The following CACNB4 variants were observed in gnomAD, a reference collection of about 807,000 sequenced individuals.
CACNB4 encodes the protein voltage-dependent L-type calcium channel subunit beta-4.
In CACNB4, 32 loss-of-function variants were observed where a neutral mutation model predicts 71.2. The ratio of observed to expected loss-of-function variants is 0.45; its 90% CI spans 0.34 to 0.60. The LOEUF (loss-of-function observed/expected upper bound fraction) is 0.60. Ranked by LOEUF, CACNB4 falls within the 20% of genes least tolerant of loss-of-function variation. CACNB4 has a pLI of 0.01. For synonymous variants in CACNB4, 231 were observed against 236.9 expected (o/e 0.97, Z 0.23); for missense variants, 464 against 647.9 (o/e 0.72, Z 3.08).
rs1438655294 is a variant in CACNB4, at chr2:151,834,136, C to A, written c.*4983G>T. On this transcript the variant is annotated 3_prime_UTR_variant, in exon 14 of 14. Transcript: ENST00000539935. ...TGTTGAGAAATTTAAGTGTTCAAAA[C>A]ATAACCAAGAACACTTATCAGGTAT... The A allele has an allele frequency of 6.6e-6, 1 of 152,006 alleles. No individual in the cohort carries two copies. The highest frequency in any genetic ancestry group is 1.5e-5 in the Non-Finnish European group (1 of 67,882). 9.4% of individuals were successfully genotyped at this position (152,006 alleles called of 1,614,324 possible). A position where few individuals can be genotyped will look rare whatever the true frequency, so the allele number is the denominator to read the frequency against.
intron 2 of CACNB4, among the ~76,000 whole-genome samples, chr2:151,931,627 A>G (rs181629781): frequency 5.7e-4 from 87 of 152,302 alleles, no homozygotes; most frequent in Admixed American, 3.3e-3. Context: ...ATGAAGGCAT[A>G]AGGCAACCAA....
At chr2:151,964,702 G>C (rs1397825203) in intron 2 of CACNB4, among the ~76,000 whole-genome samples, 2 of 152,178 alleles carry the variant, frequency 1.3e-5, no homozygotes, top group African/African-American at 4.8e-5. Flanking sequence ...TATGACTTTA[G>C]GGATATGACA....
rs1254543242 is a variant in CACNB4, at chr2:151,832,986, C to T, written c.*6133G>A. 1 of 152,060 alleles carries T rather than the reference C, an allele frequency of 6.6e-6. No homozygotes were observed. The highest frequency in any genetic ancestry group is 1.5e-5 in the Non-Finnish European group (1 of 67,990). The allele number at this position is 152,060 out of a possible 1,614,324, so 9.4% of individuals were successfully genotyped here. ...GGAGAACAAAACATGCAGCACTGTACACATTTGCATAGTATATTTTACCCA... is the reference window on the plus strand; with the variant it reads ...GGAGAACAAAACATGCAGCACTGTATACATTTGCATAGTATATTTTACCCA... On this transcript the variant is annotated 3_prime_UTR_variant, in exon 14 of 14. Transcript: ENST00000539935.
rs1381154799 is a variant in CACNB4 at position 151,834,290 on chromosome 2, C to T, written c.*4829G>A. On this transcript the variant is annotated 3_prime_UTR_variant, in exon 14 of 14. Coordinates refer to ENST00000539935, the MANE Select transcript of CACNB4 (RefSeq NM_000726.5). ...TTCATTAGTAACATTTTCTACCATCCTTCTGCAAACATTTTACATACATCA... is the reference window on the plus strand; with the variant it reads ...TTCATTAGTAACATTTTCTACCATCTTTCTGCAAACATTTTACATACATCA... The T allele has an allele frequency of 6.6e-6, 1 of 151,996 alleles. No homozygotes were observed. Among genetic ancestry groups the T allele is most frequent in the Non-Finnish European group, 1.5e-5 (1 of 67,862 alleles). The allele number at this position is 151,996 out of a possible 1,614,324, so 9.4% of individuals were successfully genotyped here.
Position 151,993,722 on chromosome 2 carries a change from G to A in CACNB4, c.147+104608C>T, listed in dbSNP as rs773822934. On this transcript the variant is annotated intron_variant, in intron 2 of 13. Coordinates refer to ENST00000539935, the MANE Select transcript of CACNB4 (RefSeq NM_000726.5). ...TGGGAGTACAGGTGTGTGCCACCACGCCGGGCTAATTTTTGTATTTTCAGT... is the reference window on the plus strand; with the variant it reads ...TGGGAGTACAGGTGTGTGCCACCACACCGGGCTAATTTTTGTATTTTCAGT... 4.0e-5 allele frequency among the ~76,000 whole-genome samples: 6 copies of A among 151,792 alleles called. 1 individual carries two copies. The highest frequency in any genetic ancestry group is 8.8e-5 in the Non-Finnish European group (6 of 67,858).
chr2:151,934,132 G>A (rs2099862335), intron 2 of CACNB4, among the ~76,000 whole-genome samples: 1 of 152,232 alleles, frequency 6.6e-6, no homozygotes. Context: ...ATAAGAACTT[G>A]AGGTCACTGT....
intron 2 of CACNB4, among the ~76,000 whole-genome samples, chr2:151,910,081 G>A (rs1275347146): frequency 2.6e-5 from 4 of 152,172 alleles, no homozygotes; most frequent in African/African-American, 9.7e-5. Flanking sequence ...CATTCTGACT[G>A]GCATGAGATG....
At position 151,836,504 on chromosome 2, in the gene CACNB4, AAAG is replaced by A. The variant is rs931812828; in HGVS notation, c.*2612_*2614del. The A allele has an allele frequency of 1.3e-5, 2 of 151,898 alleles. No individual in the cohort carries two copies. The highest frequency in any genetic ancestry group is 3.0e-5 in the Non-Finnish European group (2 of 67,784). The allele number at this position is 151,898 out of a possible 1,614,324, so 9.4% of individuals were successfully genotyped here. On this transcript the variant is annotated 3_prime_UTR_variant, in exon 14 of 14. Coordinates refer to ENST00000539935, the MANE Select transcript of CACNB4 (RefSeq NM_000726.5). ...TTTGAGGAAGATAAACTTATTACAGAAAGAAGGGGAAAGAATATTCCAAATTAA... is the reference window on the plus strand; with the variant it reads ...TTTGAGGAAGATAAACTTATTACAGAAAGGGGAAAGAATATTCCAAATTAA...
intron 8 of CACNB4, 117 bp from the exon 9 acceptor site, chr2:151,869,352 T>C: frequency 1.6e-6 from 1 of 630,216 alleles, no homozygotes; most frequent in East Asian, 2.9e-5. Context: ...ATTGTAGCCA[T>C]TCGTCTCCTA....
chr2:151,994,879 C>T (rs1158345987), intron 2 of CACNB4, among the ~76,000 whole-genome samples: 1 of 152,132 alleles, frequency 6.6e-6, no homozygotes, highest in East Asian at 1.9e-4. Flanking sequence ...AGTGATCCTT[C>T]TGCCTCAGCC....
rs2099834617 is a variant in CACNB4, at chr2:151,835,074, GTCAAGGACCAACAAAA to G, written c.*4029_*4044del. 1 of 151,924 alleles carries G rather than the reference GTCAAGGACCAACAAAA, an allele frequency of 6.6e-6. No homozygotes were observed. Among genetic ancestry groups the G allele is most frequent in the Admixed American group, 6.6e-5 (1 of 15,250 alleles). 9.4% of individuals were successfully genotyped at this position (151,924 alleles called of 1,614,324 possible). A position where few individuals can be genotyped will look rare whatever the true frequency, so the allele number is the denominator to read the frequency against. ...AATGGCTAAGTCATGCTCTGTGGAA[GTCAAGGACCAACAAAA>G]TGTGAATTTGCAAACCAGCTGCTCT... On this transcript the variant is annotated 3_prime_UTR_variant, in exon 14 of 14. Coordinates refer to ENST00000539935, the MANE Select transcript of CACNB4 (RefSeq NM_000726.5).
At chr2:152,070,790 C>T (rs1686641630) in intron 2 of CACNB4, among the ~76,000 whole-genome samples, 1 of 152,146 alleles carries the variant, frequency 6.6e-6, no homozygotes, top group Non-Finnish European at 1.5e-5. Flanking sequence ...TATTTTGAGG[C>T]AGAGTCTCAC....
At chr2:152,001,929 A>T (rs1250842430) in intron 2 of CACNB4, among the ~76,000 whole-genome samples, 1 of 152,192 alleles carries the variant, frequency 6.6e-6, no homozygotes, top group Admixed American at 6.5e-5. Flanking sequence ...CGGGAGAGGT[A>T]GTCATTTTAG....
intron 2 of CACNB4, among the ~76,000 whole-genome samples, chr2:152,053,080 G>A (rs1382995186): frequency 1.3e-5 from 2 of 152,078 alleles, no homozygotes; most frequent in African/African-American, 4.8e-5. Context: ...AAAGCCCTTG[G>A]AATCTCTAGA....
intron 2 of CACNB4, among the ~76,000 whole-genome samples, chr2:152,086,968 C>T (rs554387319): frequency 6.6e-6 from 1 of 152,164 alleles, no homozygotes; most frequent in Non-Finnish European, 1.5e-5. Flanking sequence ...CACATCTCTA[C>T]TAAAAAATAC....
intron 2 of CACNB4, among the ~76,000 whole-genome samples, chr2:151,944,930 T>C (rs569368770): frequency 2.6e-5 from 4 of 152,254 alleles, no homozygotes; most frequent in African/African-American, 7.2e-5. Context: ...AGGGTCTAGA[T>C]TGGGCCAATA....
In CACNB4 at chr2:151,838,531, T is replaced by C. The variant is rs904576897; in HGVS notation, c.*588A>G. ...GCACTATCAATACATTTGGTAAGTC[T>C]GAAAAGTCATTCTGGCAACATTAAC... On this transcript the variant is annotated 3_prime_UTR_variant, in exon 14 of 14. Coordinates refer to ENST00000539935, the MANE Select transcript of CACNB4 (RefSeq NM_000726.5). 2.6e-5 allele frequency: 4 copies of C among 152,568 alleles called. No individual in the cohort carries two copies. The highest frequency in any genetic ancestry group is 9.7e-5 in the African/African-American group (4 of 41,432). 9.5% of individuals were successfully genotyped at this position (152,568 alleles called of 1,614,324 possible). A position where few individuals can be genotyped will look rare whatever the true frequency, so the allele number is the denominator to read the frequency against.
At position 151,837,118 on chromosome 2, in the gene CACNB4, G is replaced by A. The variant is rs1166952506; in HGVS notation, c.*2001C>T. 6.6e-6 allele frequency: 1 copy of A among 151,894 alleles called. No individual in the cohort carries two copies. 9.4% of individuals were successfully genotyped at this position (151,894 alleles called of 1,614,324 possible). A position where few individuals can be genotyped will look rare whatever the true frequency, so the allele number is the denominator to read the frequency against. ...TGGCAGGTTATATGTTTATTAAAGT[G>A]CCTAATGGATATAACTCTTTTAAAA... On this transcript the variant is annotated 3_prime_UTR_variant, in exon 14 of 14. Coordinates refer to ENST00000539935, the MANE Select transcript of CACNB4 (RefSeq NM_000726.5).
At chr2:152,034,320 G>C (rs142944219) in intron 2 of CACNB4, among the ~76,000 whole-genome samples, 22 of 152,214 alleles carry the variant, frequency 1.4e-4, no homozygotes, top group African/African-American at 5.1e-4. Flanking sequence ...GAAAAGCAGA[G>C]AGTGGATGCA....
Sources: gnomAD v4.1 joint callset for allele counts (sites outside exome capture counted in the v4.1 genomes callset) on GRCh38, gnomAD v4.1.1 for gene constraint, MANE v1.5 for transcripts, NCBI Gene and HGNC (gene_info 2026-07-23, HGNC 2026-07-21) for gene names.